The following ZFP64 variants were observed in gnomAD, a reference collection of about 807,000 sequenced individuals.
ZFP64 encodes ZFP64 zinc finger protein, also known as zinc finger protein 64.
ZFP64 carries 14 observed loss-of-function variants against 51.6 expected under a neutral mutation model. The observed-to-expected ratio is 0.27, with a 90% CI of 0.18 to 0.42. The LOEUF is 0.42. Among genes scored for constraint, ZFP64 ranks in the 10% least tolerant of loss-of-function variants. The pLI, the probability that ZFP64 is intolerant of heterozygous loss-of-function variation, is 1.00. For missense variants in ZFP64, 754 were observed against 906.8 expected, an observed-to-expected ratio of 0.83 and a Z score of 2.16; for synonymous variants, 375 against 361.4, an observed-to-expected ratio of 1.04 and a Z score of -0.43.
intron 8 of ZFP64, chr20:52,088,237 C>T: frequency 7.9e-7 from 1 of 1,271,990 alleles, no homozygotes; most frequent in Non-Finnish European, 1.1e-6. Flanking sequence ...GTTCCGGCAA[C>T]AGAAAAATGA....
At chr20:52,170,860 G>A (rs1982659865) in intron 2 of ZFP64, among the ~76,000 whole-genome samples, 1 of 152,202 alleles carries the variant, frequency 6.6e-6, no homozygotes, top group Non-Finnish European at 1.5e-5. Flanking sequence ...ACTCTAGTTA[G>A]GAGTGGTGCA....
chr20:52,155,491 C>T (rs887997174), intron 5 of ZFP64, among the ~76,000 whole-genome samples: 1 of 152,052 alleles, frequency 6.6e-6, no homozygotes, highest in Admixed American at 6.6e-5. Flanking sequence ...CAGTTATATC[C>T]CTGTCAAAAT....
intron 5 of ZFP64, among the ~76,000 whole-genome samples, chr20:52,102,895 G>A (rs995992453): frequency 2.0e-5 from 3 of 152,226 alleles, no homozygotes; most frequent in Admixed American, 6.5e-5. Context: ...GTTATTCACT[G>A]ATATACACAC....
At chr20:52,110,508 T>C (rs1600716601) in intron 5 of ZFP64, 1 of 715,438 alleles carries the variant, frequency 1.4e-6, no homozygotes, top group East Asian at 2.4e-5. Flanking sequence ...AGATCTTCCC[T>C]GTGATCTTCA....
chr20:52,109,190 G>A (rs974039269), intron 5 of ZFP64, among the ~76,000 whole-genome samples: 2 of 151,196 alleles, frequency 1.3e-5, no homozygotes, highest in African/African-American at 2.4e-5. Context: ...TCACTTTGTC[G>A]CCCAGGCTGG....
At chr20:52,157,746 G>A (rs1172906191) in intron 5 of ZFP64, among the ~76,000 whole-genome samples, 1 of 152,086 alleles carries the variant, frequency 6.6e-6, no homozygotes, top group Non-Finnish European at 1.5e-5. Context: ...AGGTACACAC[G>A]TGCCATGGTG....
intron 8 of ZFP64, chr20:52,088,177 T>C: frequency 2.9e-6 from 2 of 689,592 alleles, no homozygotes; most frequent in Middle Eastern, 4.2e-4. Context: ...GGATTCTATA[T>C]AGTCAAGATA....
At chr20:52,141,973 A>G (rs746572590) in intron 5 of ZFP64, among the ~76,000 whole-genome samples, 4 of 152,184 alleles carry the variant, frequency 2.6e-5, no homozygotes, top group Non-Finnish European at 4.4e-5. Context: ...GCATGGTCTC[A>G]CTTATAAGTG....
At chr20:52,093,054 G>T (rs2078945571) in intron 7 of ZFP64, among the ~76,000 whole-genome samples, 1 of 152,092 alleles carries the variant, frequency 6.6e-6, no homozygotes, top group South Asian at 2.1e-4. Context: ...AAAGTGACAA[G>T]AATTGTTGTC....
At chr20:52,098,874 T>C (rs533025245) in intron 5 of ZFP64, among the ~76,000 whole-genome samples, 72 of 151,924 alleles carry the variant, frequency 4.7e-4, no homozygotes, top group Non-Finnish European at 9.1e-4. Context: ...TGGTGGTATG[T>C]GCCTGTAGTC....
At chr20:52,108,487 T>C (rs1978373376) in intron 5 of ZFP64, among the ~76,000 whole-genome samples, 1 of 151,942 alleles carries the variant, frequency 6.6e-6, no homozygotes, top group East Asian at 1.9e-4. Flanking sequence ...AGAGTTCTAG[T>C]CCTAAATTAA....
At chr20:52,135,216 G>T (rs148202481) in intron 5 of ZFP64, among the ~76,000 whole-genome samples, 4 of 152,272 alleles carry the variant, frequency 2.6e-5, no homozygotes, top group Admixed American at 1.3e-4. Flanking sequence ...ATTAAATTTT[G>T]TGAGGTGAAA....
chr20:52,174,265 C>G (rs934305855), intron 2 of ZFP64, among the ~76,000 whole-genome samples: 2 of 150,808 alleles, frequency 1.3e-5, no homozygotes, highest in African/African-American at 2.5e-5. Flanking sequence ...GCAGGCGGAT[C>G]ACCTGAGGTC....
intron 5 of ZFP64, among the ~76,000 whole-genome samples, chr20:52,135,560 C>T (rs1487020344): frequency 6.6e-6 from 1 of 152,100 alleles, no homozygotes; most frequent in Non-Finnish European, 1.5e-5. Context: ...GCTTACGGCT[C>T]ACTGCAGCAT....
chr20:52,134,824 A>G (rs1399920347), intron 5 of ZFP64, among the ~76,000 whole-genome samples: 3 of 152,058 alleles, frequency 2.0e-5, no homozygotes, highest in Non-Finnish European at 4.4e-5. Context: ...TTTTTTTTGT[A>G]TGGTCTGTGA....
chr20:52,127,668 A>G (rs1979511543), intron 5 of ZFP64, among the ~76,000 whole-genome samples: 1 of 152,226 alleles, frequency 6.6e-6, no homozygotes, highest in South Asian at 2.1e-4. Flanking sequence ...ACAATTCTTT[A>G]CAGCAGTATG....
At chr20:52,097,282 G>A in intron 7 of ZFP64, 10 of 1,444,800 alleles carry the variant, frequency 6.9e-6, no homozygotes, top group African/African-American at 1.4e-5. Context: ...ATGAGGCAGA[G>A]ACTGTCCTGT....
At chr20:52,092,549 G>T (rs6068071) in intron 7 of ZFP64, among the ~76,000 whole-genome samples, 49,768 of 152,014 alleles carry the variant, frequency 0.33, 8,480 homozygotes, top group Non-Finnish European at 0.39. Flanking sequence ...GCGAAGTCTG[G>T]ATTAAAAGAT....
intron 2 of ZFP64, among the ~76,000 whole-genome samples, chr20:52,183,027 A>G (rs546473482): frequency 5.3e-5 from 8 of 152,328 alleles, no homozygotes; most frequent in African/African-American, 1.7e-4. Context: ...CAGCTCTGAC[A>G]TAAGAATTAA....
Sources: allele counts gnomAD v4.1 joint callset (sites outside exome capture counted in the v4.1 genomes callset), GRCh38; gene constraint gnomAD v4.1.1; transcripts MANE v1.5; gene names NCBI Gene and HGNC (gene_info 2026-07-23, HGNC 2026-07-21).